F5: variants seen among roughly 807,000 people sequenced by gnomAD.
F5 encodes the protein activated protein c cofactor.
A neutral mutation model predicts 216.4 loss-of-function variants in F5; 138 were observed. The observed-to-expected ratio is 0.64, with a 90% CI of 0.56 to 0.73. The LOEUF is 0.73. Among genes scored for constraint, F5 ranks in the 30% least tolerant of loss-of-function variants. The probability of loss-of-function intolerance (pLI) is 0.00; values close to 1 mark genes in which losing one functional copy is unlikely to be tolerated. For synonymous variants in F5, 916 were observed against 930.7 expected, an observed-to-expected ratio of 0.98 and a Z score of 0.29; for missense variants, 2,403 against 2,674.0, an observed-to-expected ratio of 0.90 and a Z score of 2.24.
intron 21 of F5, 51 bp from the exon 22 acceptor site, chr1:169,520,715 C>A (rs778808225): frequency 6.6e-7 from 1 of 1,504,652 alleles, no homozygotes; most frequent in South Asian, 1.2e-5. Context: ...TATAAAGTGA[C>A]TTTATATTAA....
intron 3 of F5, among the ~76,000 whole-genome samples, chr1:169,565,062 C>T (rs982502631): frequency 6.6e-6 from 1 of 152,068 alleles, no homozygotes; most frequent in South Asian, 2.1e-4. Flanking sequence ...GTTCCCCAGA[C>T]ATCCAAGTTC....
chr1:169,563,176 G>A (rs1660519814), intron 3 of F5, among the ~76,000 whole-genome samples: 1 of 152,012 alleles, frequency 6.6e-6, no homozygotes, highest in Middle Eastern at 3.2e-3. Flanking sequence ...AGTTTCTAAC[G>A]ATAAGTCTGC....
At position 169,536,692 on chromosome 1, in the gene F5, A is replaced by G. The variant is rs1557912643; in HGVS notation, c.4797-12T>C. ...CAATATCTGTTTCCCTGAAATAATA[A>G]TACTATTTGTGTAAAAGAAGAAATT... On this transcript the variant is annotated splice_polypyrimidine_tract_variant and intron_variant, in intron 13 of 24. Transcript: ENST00000367797. 2 of 1,594,122 alleles carry G rather than the reference A, an allele frequency of 1.3e-6. No individual in the cohort carries two copies. The highest frequency in any genetic ancestry group is 2.2e-5 in the South Asian group (2 of 90,616).
chr1:169,541,726 G>A lies in F5; in HGVS notation c.3364C>T (p.Pro1122Ser), dbSNP rs185270765. The A allele has an allele frequency of 7.0e-5, 113 of 1,613,940 alleles. No individual in the cohort carries two copies. The highest frequency in any genetic ancestry group is 6.8e-4 in the Admixed American group (41 of 59,998). ...AATGTTTGATAGTGTTCCTCTGGGG[G>A]CACTGTCTGATAAAGACCTGGAGGA... ...SCPPGLYQTV[P>S]PEEHYQTFPI... is the part of the protein sequence containing the mutation. The change falls in exon 13 of 25, where the codon CCC becomes TCC. Residue 1122 changes from proline to serine, a missense_variant. Pro to Ser is a moderately conservative substitution (Grantham distance 74). Around this residue, in one of 4 missense-constraint regions of F5, gnomAD observed 1,425 missense variants for 1,554.8 expected, o/e 0.92. Coordinates refer to ENST00000367797, the MANE Select transcript of F5 (RefSeq NM_000130.5).
At position 169,536,517 on chromosome 1, in the gene F5, C is replaced by G. The variant is rs755444793; in HGVS notation, c.4960G>C (p.Asp1654His). Residue 1654 changes from aspartate (D) to histidine (H), a missense_variant, in exon 14 of 25, where the codon GAT becomes CAT. Transcript: ENST00000367797. ...LGPIIRAEVD[D>H]VIQVRFKNLA... ...CTCAAAAGACTTACTTGGATAACAT[C>G]ATCCACTTCAGCTCTGATAATAGGA... The G allele has an allele frequency of 6.2e-7, 1 of 1,613,022 alleles. No individual in the cohort carries two copies. Among genetic ancestry groups the G allele is most frequent in the African/African-American group, 1.3e-5 (1 of 75,006 alleles).
chr1:169,525,162 T>G (rs1659414009), intron 18 of F5, among the ~76,000 whole-genome samples: 1 of 152,138 alleles, frequency 6.6e-6, no homozygotes, highest in South Asian at 2.1e-4. Context: ...AAACTGATTT[T>G]CTTCTGCTTT....
intron 1 of F5, among the ~76,000 whole-genome samples, chr1:169,584,976 A>G (rs893276361): frequency 6.6e-6 from 1 of 152,144 alleles, no homozygotes; most frequent in African/African-American, 2.4e-5. Flanking sequence ...TTTCAACGCT[A>G]ACTACAGACA....
chr1:169,525,922 G>A lies in F5; in HGVS notation c.5695C>T (p.Pro1899Ser). 2 of 1,612,914 alleles carry A rather than the reference G, an allele frequency of 1.2e-6. No individual in the cohort carries two copies. The highest frequency in any genetic ancestry group is 1.7e-6 in the Non-Finnish European group (2 of 1,179,138). Residue 1899 changes from proline to serine, a missense_variant, in exon 18 of 25, where the codon CCA (proline) becomes TCA (serine). Coordinates refer to ENST00000367797, the MANE Select transcript of F5 (RefSeq NM_000130.5). ...GENQRAGMQT[P>S]FLIMDRDCRM... is the part of the protein sequence containing the mutation. ...ATACCTCTGTCCATGATAAGAAATG[G>A]CGTTTGCATCCCTGCTCTCTGGTTT...
At chr1:169,536,984 T>G (rs1431662409) in intron 13 of F5, among the ~76,000 whole-genome samples, 3 of 151,988 alleles carry the variant, frequency 2.0e-5, no homozygotes, top group East Asian at 3.9e-4. Flanking sequence ...TCCTGTAGTA[T>G]TCTTATAATA....
intron 3 of F5, among the ~76,000 whole-genome samples, chr1:169,562,488 G>A (rs1660505821): frequency 6.6e-6 from 1 of 151,910 alleles, no homozygotes; most frequent in South Asian, 2.1e-4. Context: ...TGATATGGTT[G>A]AATTTAAAAC....
chr1:169,578,316 T>C (rs1215176881), intron 2 of F5, among the ~76,000 whole-genome samples: 1 of 152,200 alleles, frequency 6.6e-6, no homozygotes, highest in Non-Finnish European at 1.5e-5. Context: ...AATTGGAGAC[T>C]GTTCTCACCA....
In F5 at chr1:169,513,832, A is replaced by G. The variant is rs75302539; in HGVS notation, c.*481T>C. The stretch of plus-strand genomic sequence containing the variant: ...CAGAAAAATCATTGTTATATGGGAA[A>G]GACAGGATATTTTAAGTACTTATTT... On this transcript the variant is annotated 3_prime_UTR_variant, in exon 25 of 25. Transcript: ENST00000367797. Among the ~76,000 whole-genome samples the G allele has an allele frequency of 1.9e-3, 288 of 152,230 alleles. No homozygotes were observed. The highest frequency in any genetic ancestry group is 6.4e-3 in the African/African-American group (267 of 41,560).
chr1:169,525,833 A>G (rs2101808262), intron 18 of F5, 68 bp downstream of exon 18: 2 of 1,071,956 alleles, frequency 1.9e-6, no homozygotes, highest in South Asian at 1.3e-5. Flanking sequence ...TTCCAATCTA[A>G]AAGTTGGTAA....
intron 23 of F5, among the ~76,000 whole-genome samples, chr1:169,516,963 G>A (rs1218275793): frequency 3.3e-5 from 5 of 152,228 alleles, no homozygotes; most frequent in African/African-American, 9.6e-5. Flanking sequence ...GTAAAATGAA[G>A]TATGGAGTGA....
intron 2 of F5, among the ~76,000 whole-genome samples, chr1:169,575,914 C>A (rs1300391197): frequency 1.3e-5 from 2 of 152,144 alleles, no homozygotes; most frequent in African/African-American, 4.8e-5. Context: ...AGATGAGATT[C>A]TTCTGGGCTG....
At chr1:169,576,184 T>A (rs6666046) in intron 2 of F5, among the ~76,000 whole-genome samples, 47,125 of 151,884 alleles carry the variant, frequency 0.31, 7,435 homozygotes, top group South Asian at 0.36. Context: ...CATCTGCAGA[T>A]ATATAATCAT....
intron 3 of F5, among the ~76,000 whole-genome samples, chr1:169,562,101 A>C (rs1206335633): frequency 2.6e-5 from 4 of 151,998 alleles, no homozygotes; most frequent in Admixed American, 2.6e-4. Flanking sequence ...CTGAGCTTTG[A>C]TTAAAACAAT....
rs1256839776 is a variant in F5 at position 169,512,498 on chromosome 1, G to T, written c.*1815C>A. On this transcript the variant is annotated 3_prime_UTR_variant, in exon 25 of 25. Transcript: ENST00000367797. ...AATAAAGGATTTCAAGAGGGTAACT[G>T]CAAAGCATTAAATTTAGCATGCGGT... 3.9e-5 allele frequency among the ~76,000 whole-genome samples: 6 copies of T among 152,196 alleles called. No homozygotes were observed. In the South Asian group the frequency reaches 1.0e-3, roughly 26 times the overall value.
chr1:169,564,654 T>C (rs1053997069), intron 3 of F5, among the ~76,000 whole-genome samples: 1 of 152,102 alleles, frequency 6.6e-6, no homozygotes, highest in Non-Finnish European at 1.5e-5. Flanking sequence ...AATTTCCATA[T>C]AAAATATTTT....
Sources: gnomAD v4.1 joint callset for allele counts (sites outside exome capture counted in the v4.1 genomes callset) on GRCh38, gnomAD v4.1.1 for gene constraint, gnomAD v4.1.1 regional missense constraint, MANE v1.5 for transcripts, NCBI Gene and HGNC (gene_info 2026-07-23, HGNC 2026-07-21) for gene names.